Variants in PTPN14 observed in about 807,000 individuals in gnomAD.
PTPN14 encodes protein tyrosine phosphatase non-receptor type 14, also known as tyrosine-protein phosphatase non-receptor type 14.
Under a neutral mutation model 126.8 loss-of-function variants are expected in PTPN14, and 53 were observed. The ratio of observed to expected loss-of-function variants is 0.42; its 90% confidence interval spans 0.34 to 0.53. The LOEUF is 0.53. Ranked by LOEUF, PTPN14 falls within the 20% of genes least tolerant of loss-of-function variation. The probability of loss-of-function intolerance (pLI) is 0.08; values close to 1 mark genes in which losing one functional copy is unlikely to be tolerated. For missense variants in PTPN14, 1,257 were observed against 1,552.9 expected, an observed-to-expected ratio of 0.81 and a Z score of 3.20; for synonymous variants, 630 against 599.3, an observed-to-expected ratio of 1.05 and a Z score of -0.75.
At chr1:214,467,289 C>T (rs923781622) in intron 1 of PTPN14, among the ~76,000 whole-genome samples, 3 of 152,094 alleles carry the variant, frequency 2.0e-5, no homozygotes, top group African/African-American at 7.2e-5. Flanking sequence ...ACACAAGAGG[C>T]CAAGATTCAA....
At chr1:214,430,865 C>T (rs1289034942) in intron 3 of PTPN14, among the ~76,000 whole-genome samples, 1 of 152,138 alleles carries the variant, frequency 6.6e-6, no homozygotes, top group Non-Finnish European at 1.5e-5. Flanking sequence ...TTTTATGTGA[C>T]CATCTAATCT....
chr1:214,460,548 C>CACAA (rs1480682015), intron 2 of PTPN14, among the ~76,000 whole-genome samples: 2 of 151,524 alleles, frequency 1.3e-5, no homozygotes, highest in African/African-American at 4.9e-5. Flanking sequence ...CACACACACA[C>CACAA]ACACACAGAT....
intron 1 of PTPN14, among the ~76,000 whole-genome samples, chr1:214,516,746 TA>T (rs56825299): frequency 6.6e-6 from 1 of 151,390 alleles, no homozygotes; most frequent in Admixed American, 6.6e-5. Flanking sequence ...ATTTTGATAT[TA>T]AAAAAAAACT....
intron 1 of PTPN14, among the ~76,000 whole-genome samples, chr1:214,546,854 G>T (rs577002554): frequency 1.3e-5 from 2 of 152,118 alleles, no homozygotes; most frequent in Non-Finnish European, 2.9e-5. Flanking sequence ...TACATGTAAG[G>T]TTGATCTAAG....
intron 3 of PTPN14, among the ~76,000 whole-genome samples, chr1:214,433,704 T>C (rs749879417): frequency 1.3e-5 from 2 of 151,994 alleles, no homozygotes; most frequent in Non-Finnish European, 2.9e-5. Flanking sequence ...AGATATTCAA[T>C]ATATAAACGA....
intron 3 of PTPN14, among the ~76,000 whole-genome samples, chr1:214,417,978 A>G (rs1195845703): frequency 2.0e-5 from 3 of 152,216 alleles, no homozygotes; most frequent in African/African-American, 7.2e-5. Flanking sequence ...AGGATGGTGA[A>G]GACAGGAGGA....
In PTPN14 at chr1:214,355,337, A is replaced by G. The variant is rs1176303875; in HGVS notation, c.*2585T>C. ...TCTAACAGTGCCCACCTTGGGGCTT[A>G]GAGATAAAAGATAAATACTGATGTT... On this transcript the variant is annotated 3_prime_UTR_variant, in exon 19 of 19. Transcript: ENST00000366956. 3.3e-5 allele frequency: 5 copies of G among 152,200 alleles called. No individual in the cohort carries two copies. The allele number at this position is 152,200 out of a possible 1,614,324, so 9.4% of individuals were successfully genotyped here. A position where few individuals can be genotyped will look rare whatever the true frequency, so the allele number is the denominator to read the frequency against.
At chr1:214,434,656 G>C (rs1201809554) in intron 3 of PTPN14, among the ~76,000 whole-genome samples, 1 of 152,176 alleles carries the variant, frequency 6.6e-6, no homozygotes, top group Non-Finnish European at 1.5e-5. Context: ...AGGAATCTAT[G>C]AGAAGCAGAT....
At chr1:214,360,904 CT>C (rs1657940684) in intron 18 of PTPN14, among the ~76,000 whole-genome samples, 1 of 152,186 alleles carries the variant, frequency 6.6e-6, no homozygotes, top group Non-Finnish European at 1.5e-5. Context: ...AGATTTCCCT[CT>C]TGCTGTTCTT....
intron 1 of PTPN14, among the ~76,000 whole-genome samples, chr1:214,542,110 C>G (rs1655851891): frequency 6.6e-6 from 1 of 152,050 alleles, no homozygotes; most frequent in African/African-American, 2.4e-5. Flanking sequence ...TACACACACA[C>G]ACATATATAT....
In PTPN14 at chr1:214,355,467, T is replaced by C. The variant is rs1657796254; in HGVS notation, c.*2455A>G. ...CCTCCAAGGAAAGGAAACAAGTATC[T>C]TTTTGCTTATTGATGAGCTTCTTAT... On this transcript the variant is annotated 3_prime_UTR_variant, in exon 19 of 19. Coordinates refer to ENST00000366956, the MANE Select transcript of PTPN14 (RefSeq NM_005401.5). 6.6e-6 allele frequency: 1 copy of C among 152,258 alleles called. No homozygotes were observed. Among genetic ancestry groups the C allele is most frequent in the South Asian group, 2.1e-4 (1 of 4,836 alleles). The allele number at this position is 152,258 out of a possible 1,614,324, so 9.4% of individuals were successfully genotyped here. A position where few individuals can be genotyped will look rare whatever the true frequency, so the allele number is the denominator to read the frequency against.
intron 3 of PTPN14, among the ~76,000 whole-genome samples, chr1:214,418,076 G>A (rs1376398833): frequency 2.0e-5 from 3 of 152,164 alleles, no homozygotes. Context: ...ACTAGCTTTG[G>A]GGCCAGTGAA....
chr1:214,389,748 T>G (rs1353017510), intron 11 of PTPN14, among the ~76,000 whole-genome samples: 1 of 152,080 alleles, frequency 6.6e-6, no homozygotes, highest in Non-Finnish European at 1.5e-5. Context: ...AGGGTGTAAA[T>G]GAAAAATTAT....
At chr1:214,470,526 T>C (rs958138446) in intron 1 of PTPN14, among the ~76,000 whole-genome samples, 3 of 152,092 alleles carry the variant, frequency 2.0e-5, no homozygotes, top group Admixed American at 1.3e-4. Flanking sequence ...CTCAGGCCTG[T>C]AATCCCAACA....
At chr1:214,455,224 C>G (rs1188924438) in intron 2 of PTPN14, among the ~76,000 whole-genome samples, 4 of 152,244 alleles carry the variant, frequency 2.6e-5, no homozygotes, top group African/African-American at 9.6e-5. Context: ...TCAAGCCCAG[C>G]TGAGACCCCA....
intron 3 of PTPN14, among the ~76,000 whole-genome samples, chr1:214,436,308 C>A (rs370145821): frequency 6.6e-6 from 1 of 151,930 alleles, no homozygotes; most frequent in Admixed American, 6.6e-5. Flanking sequence ...GCTTATTGCC[C>A]GGGTGATGAA....
At chr1:214,504,974 G>A (rs1373640443) in intron 1 of PTPN14, among the ~76,000 whole-genome samples, 1 of 152,116 alleles carries the variant, frequency 6.6e-6, no homozygotes, top group Non-Finnish European at 1.5e-5. Context: ...CCCTCACCAA[G>A]GTAGGGAATA....
At chr1:214,487,572 T>G (rs923187269) in intron 1 of PTPN14, among the ~76,000 whole-genome samples, 1 of 150,958 alleles carries the variant, frequency 6.6e-6, no homozygotes, top group African/African-American at 2.4e-5. Context: ...AAGGAGAGGT[T>G]GCAACAAGCA....
intron 1 of PTPN14, among the ~76,000 whole-genome samples, chr1:214,493,968 G>A (rs943205582): frequency 6.6e-6 from 1 of 152,148 alleles, no homozygotes; most frequent in Non-Finnish European, 1.5e-5. Context: ...CTCAATTTAC[G>A]TGGACACATC....
Sources: gnomAD v4.1 joint callset for allele counts (sites outside exome capture counted in the v4.1 genomes callset) on GRCh38, gnomAD v4.1.1 for gene constraint, MANE v1.5 for transcripts, NCBI Gene and HGNC (gene_info 2026-07-23, HGNC 2026-07-21) for gene names.